The following TMEM185A variants were observed in gnomAD, a reference collection of about 807,000 sequenced individuals.
TMEM185A encodes transmembrane protein 185A.
Under a neutral mutation model 25.0 loss-of-function variants are expected in TMEM185A, and 9 were observed. That is an observed-to-expected ratio of 0.36 (90% CI 0.22 to 0.63). The LOEUF (loss-of-function observed/expected upper bound fraction) is 0.63. TMEM185A is among the 20% of genes least tolerant of loss of function. The probability of loss-of-function intolerance (pLI) is 0.68; values close to 1 mark genes in which losing one functional copy is unlikely to be tolerated. For synonymous variants in TMEM185A, 45 were observed against 93.5 expected (o/e 0.48, Z 2.99); for missense variants, 103 against 237.4 (o/e 0.43, Z 3.72).
At chrX:149,617,109 A>G (rs3860289) in intron 1 of TMEM185A, among the ~76,000 whole-genome samples, 1,402 of 112,415 alleles carry the variant, frequency 0.012, 21 homozygotes, top group African/African-American at 0.043. Context: ...AACATATACA[A>G]AAATTTATGT....
intron 3 of TMEM185A, among the ~76,000 whole-genome samples, chrX:149,604,762 C>T (rs956759729): frequency 2.7e-5 from 3 of 111,331 alleles, no homozygotes; most frequent in Admixed American, 9.5e-5. Flanking sequence ...CCCCCATGAC[C>T]ACCAGAAGAC....
chrX:149,597,228 G>C lies in TMEM185A; in HGVS notation c.*783C>G, dbSNP rs1421517071. Reference sequence around the variant, plus strand: ...GAAGGCGTGGCACCCCACGGGGGGGGGGGGAGTGTGCCACGGGCGTCCACT... The same window carrying C: ...GAAGGCGTGGCACCCCACGGGGGGGCGGGGAGTGTGCCACGGGCGTCCACT... On this transcript the variant is annotated 3_prime_UTR_variant, in exon 7 of 7. Coordinates refer to ENST00000600449, the MANE Select transcript of TMEM185A (RefSeq NM_032508.4). 1 of 82,020 alleles carries C rather than the reference G, an allele frequency of 1.2e-5. No homozygotes were observed. The highest frequency in any genetic ancestry group is 4.1e-5 in the African/African-American group (1 of 24,593). 6.8% of individuals were successfully genotyped at this position (82,020 alleles called of 1,213,427 possible). A position where few individuals can be genotyped will look rare whatever the true frequency, so the allele number is the denominator to read the frequency against.
chrX:149,631,614 CT>C lies in TMEM185A; in HGVS notation c.-35del. ...ACTTCACCGCGGCGTCCTCCTCCTC[CT>C]CCCCCGCACCCCGTGCTGCACAGCC... is the stretch of plus-strand genomic sequence containing the variant. On this transcript the variant is annotated 5_prime_UTR_variant, in exon 1 of 7. Coordinates refer to ENST00000600449, the MANE Select transcript of TMEM185A (RefSeq NM_032508.4). 1 of 1,140,068 alleles carries C rather than the reference CT, an allele frequency of 8.8e-7. No homozygotes were observed. The highest frequency in any genetic ancestry group is 3.4e-5 in the East Asian group (1 of 29,091). 94.0% of individuals were successfully genotyped at this position (1,140,068 alleles called of 1,213,427 possible).
chrX:149,624,227 AT>A lies in TMEM185A; in HGVS notation c.38+7315del, dbSNP rs201872909. Among the ~76,000 whole-genome samples, 1,041 of 112,386 alleles carry A rather than the reference AT, an allele frequency of 9.3e-3. 11 individuals carry two copies. Among genetic ancestry groups the A allele is most frequent in the African/African-American group, 0.032 (1,000 of 30,899 alleles). On this transcript the variant is annotated intron_variant, in intron 1 of 6. Transcript: ENST00000600449. ...TCTCATTTGAATCTGTAGTGTTAGT[AT>A]ACGATGAATCACTAAGTAGTGCTAC...
chrX:149,603,551 C>A (rs1022655675), intron 4 of TMEM185A, among the ~76,000 whole-genome samples: 1 of 111,835 alleles, frequency 8.9e-6, no homozygotes, highest in Non-Finnish European at 1.9e-5. Flanking sequence ...AACCAAAAAA[C>A]AAAAGGCAAA....
chrX:149,604,531 G>A (rs1196703209), intron 3 of TMEM185A, among the ~76,000 whole-genome samples: 1 of 111,147 alleles, frequency 9.0e-6, no homozygotes, highest in Non-Finnish European at 1.9e-5. Context: ...TGTAGATTCC[G>A]TACTGTATCT....
At position 149,611,464 on chromosome X, in the gene TMEM185A, C is replaced by A. The variant is rs376945268; in HGVS notation, c.39-1G>T. 1 of 1,184,249 alleles carries A rather than the reference C, an allele frequency of 8.4e-7. No individual in the cohort carries two copies. Among genetic ancestry groups the A allele is most frequent in the African/African-American group, 1.8e-5 (1 of 55,689 alleles). ...CAGACAGGCATAGATGAGGAATTTA[C>A]TAGGAGAAAAGTAAAACGATTAAGA... is the stretch of plus-strand genomic sequence containing the variant. On this transcript the variant is annotated splice_acceptor_variant, in intron 1 of 6. Transcript: ENST00000600449. LOFTEE classifies it high-confidence loss of function.
intron 1 of TMEM185A, among the ~76,000 whole-genome samples, chrX:149,627,905 C>A (rs1557356215): frequency 1.8e-5 from 2 of 112,375 alleles, no homozygotes; most frequent in African/African-American, 6.5e-5. Context: ...AGGTAGCTGA[C>A]TTTAGTGAAC....
chrX:149,602,629 T>C (rs143645058), intron 4 of TMEM185A, among the ~76,000 whole-genome samples: 59 of 112,723 alleles, frequency 5.2e-4, no homozygotes, highest in Non-Finnish European at 8.1e-4. Flanking sequence ...CTACAGAGGA[T>C]GAAGGGCAGA....
chrX:149,629,203 G>A (rs1045155786), intron 1 of TMEM185A, among the ~76,000 whole-genome samples: 3 of 111,671 alleles, frequency 2.7e-5, no homozygotes, highest in Non-Finnish European at 5.7e-5. Context: ...TAGGTCTGGA[G>A]GAGAGGAAAA....
In TMEM185A at chrX:149,631,729, T is replaced by TCGCCGTCGCCGCCGCCGCCGC. The variant is rs1455497306; in HGVS notation, c.-170_-150dup. On this transcript the variant is annotated 5_prime_UTR_variant, in exon 1 of 7. Transcript: ENST00000600449. ...GCTGCCGTCCCCGCTGCCGTCGCCG[T>TCGCCGTCGCCGCCGCCGCCGC]CGCCGTCGCCGCCGCCGCCGCCGCC... The TCGCCGTCGCCGCCGCCGCCGC allele has an allele frequency of 6.8e-6, 3 of 438,599 alleles. No individual in the cohort carries two copies. The highest frequency in any genetic ancestry group is 9.6e-5 in the South Asian group (1 of 10,445). The allele number at this position is 438,599 out of a possible 1,213,427, so 36.1% of individuals were successfully genotyped here.
chrX:149,631,734 G>C lies in TMEM185A; in HGVS notation c.-154C>G, dbSNP rs2090197280. 1 of 361,463 alleles carries C rather than the reference G, an allele frequency of 2.8e-6. No homozygotes were observed. Among genetic ancestry groups the C allele is most frequent in the African/African-American group, 4.5e-5 (1 of 22,255 alleles). 29.8% of individuals were successfully genotyped at this position (361,463 alleles called of 1,213,427 possible). On this transcript the variant is annotated 5_prime_UTR_variant, in exon 1 of 7. Transcript: ENST00000600449. ...CGTCCCCGCTGCCGTCGCCGTCGCC[G>C]TCGCCGCCGCCGCCGCCGCCGCCGC...
chrX:149,620,319 C>T (rs1228731427), intron 1 of TMEM185A, among the ~76,000 whole-genome samples: 1 of 112,231 alleles, frequency 8.9e-6, no homozygotes, highest in East Asian at 2.8e-4. Context: ...CAGCTTGTAA[C>T]TCAGGCACAC....
At chrX:149,618,383 C>T (rs1250801823) in intron 1 of TMEM185A, among the ~76,000 whole-genome samples, 3 of 110,993 alleles carry the variant, frequency 2.7e-5, no homozygotes, top group African/African-American at 9.8e-5. Flanking sequence ...GAGAAAACTA[C>T]GCTGGGAAGA....
At chrX:149,620,592 C>G (rs1346446192) in intron 1 of TMEM185A, among the ~76,000 whole-genome samples, 1 of 111,479 alleles carries the variant, frequency 9.0e-6, no homozygotes, top group Non-Finnish European at 1.9e-5. Context: ...TGTGCTCCAG[C>G]ACCAGCTGTT....
chrX:149,624,560 C>T (rs1602883802), intron 1 of TMEM185A, among the ~76,000 whole-genome samples: 1 of 111,532 alleles, frequency 9.0e-6, no homozygotes, highest in Admixed American at 9.5e-5. Flanking sequence ...CACGTACACA[C>T]GCACAAGCAC....
chrX:149,606,444 G>A (rs1293071507), intron 3 of TMEM185A, among the ~76,000 whole-genome samples: 2 of 112,853 alleles, frequency 1.8e-5, no homozygotes, highest in Admixed American at 1.9e-4. Flanking sequence ...GGGTGCCTGG[G>A]GCACTTCAGC....
At chrX:149,631,261 A>G (rs782519757) in intron 1 of TMEM185A, among the ~76,000 whole-genome samples, 17 of 109,566 alleles carry the variant, frequency 1.6e-4, no homozygotes, top group African/African-American at 5.0e-4. Context: ...CAGCAAGCAG[A>G]AAAGAATGGG....
In TMEM185A at chrX:149,619,063, T is replaced by C. The variant is rs781783103; in HGVS notation, c.39-7600A>G. Among the ~76,000 whole-genome samples the C allele has an allele frequency of 8.9e-5, 10 of 112,035 alleles. No individual in the cohort carries two copies. The East Asian group carries it at 2.8e-3, about 31-fold the overall frequency. On this transcript the variant is annotated intron_variant, in intron 1 of 6. Transcript: ENST00000600449. Reference sequence around the variant, plus strand: ...GTAGTTTCTTAAAGGTTAACTATGATGTGGAATCTGAAATCGTATCAATGA... The same window carrying C: ...GTAGTTTCTTAAAGGTTAACTATGACGTGGAATCTGAAATCGTATCAATGA...
Sources: gnomAD v4.1 joint callset for allele counts (sites outside exome capture counted in the v4.1 genomes callset) on GRCh38, gnomAD v4.1.1 for gene constraint, MANE v1.5 for transcripts, NCBI Gene and HGNC (gene_info 2026-07-23, HGNC 2026-07-21) for gene names.